The following BAZ2B variants were observed in gnomAD, a reference collection of about 807,000 sequenced individuals.
The protein encoded by BAZ2B is bromodomain adjacent to zinc finger domain 2B.
BAZ2B carries 91 observed loss-of-function variants against 246.0 expected under a neutral mutation model. The ratio of observed to expected loss-of-function variants is 0.37; its 90% CI spans 0.31 to 0.44. The LOEUF (loss-of-function observed/expected upper bound fraction) is 0.44. Among genes scored for constraint, BAZ2B ranks in the 20% least tolerant of loss-of-function variants. BAZ2B has a pLI of 1.00. For synonymous variants in BAZ2B, 855 were observed against 860.0 expected (o/e 0.99, Z 0.10); for missense variants, 2,332 against 2,533.7 (o/e 0.92, Z 1.71).
chr2:159,560,814 A>C (rs2089775491), intron 1 of BAZ2B, among the ~76,000 whole-genome samples: 1 of 152,148 alleles, frequency 6.6e-6, no homozygotes, highest in African/African-American at 2.4e-5. Flanking sequence ...GGCATGAGCC[A>C]CCGCACCCGG....
the BAZ2B span, among the ~76,000 whole-genome samples, chr2:159,622,285 GC>G: frequency 1.1e-3 from 49 of 44,440 alleles, no homozygotes; most frequent in Non-Finnish European, 2.9e-3. Context: ...AAAAAAAAAG[GC>G]AAAAACCAAA....
At chr2:159,416,175 T>C (rs1422963068) in intron 13 of BAZ2B, among the ~76,000 whole-genome samples, 1 of 152,232 alleles carries the variant, frequency 6.6e-6, no homozygotes, top group Non-Finnish European at 1.5e-5. Flanking sequence ...TATGTTCATA[T>C]ATACATATGC....
chr2:159,349,566 C>T lies in BAZ2B; in HGVS notation c.4863+142G>A, dbSNP rs369189162. ...CAGTAGTTCTAATGAACCTTGGTGA[C>T]AGAAATTCTGACTTGTTTTAGTTTT... On this transcript the variant is annotated intron_variant, in intron 28 of 36. Transcript: ENST00000392783. 10 of 1,037,590 alleles carry T rather than the reference C, an allele frequency of 9.6e-6. No homozygotes were observed. The African/African-American group carries it at 9.7e-5, about 10-fold the overall frequency. 64.3% of individuals were successfully genotyped at this position (1,037,590 alleles called of 1,614,324 possible). A position where few individuals can be genotyped will look rare whatever the true frequency, so the allele number is the denominator to read the frequency against.
rs532788059 is a variant in BAZ2B at position 159,422,889 on chromosome 2, A to G, written c.2466+5052T>C. Among the ~76,000 whole-genome samples the G allele has an allele frequency of 9.8e-5, 15 of 152,328 alleles. No homozygotes were observed. In the South Asian group the frequency reaches 3.1e-3, roughly 32 times the overall value. On this transcript the variant is annotated intron_variant, in intron 13 of 36. Transcript: ENST00000392783. Reference sequence around the variant, plus strand: ...AAAATAACCCCATTAAAAAATGGACATGAACAAACACTCCTGAAAAAAAGA... The same window carrying G: ...AAAATAACCCCATTAAAAAATGGACGTGAACAAACACTCCTGAAAAAAAGA...
upstream of BAZ2B, chr2:159,616,969 AAAG>A (rs1696167040): frequency 6.6e-6 from 1 of 152,204 alleles, no homozygotes; most frequent in East Asian, 1.9e-4. Flanking sequence ...AAACTCAAAA[AAAG>A]CAGTATGCAA....
chr2:159,445,051 C>T (rs2074031234), intron 6 of BAZ2B: 1 of 152,132 alleles, frequency 6.6e-6, no homozygotes, highest in Non-Finnish European at 1.5e-5. Flanking sequence ...TAAATGAAAC[C>T]TGGACTCAAT....
At chr2:159,318,096 C>T (rs2062301510), downstream of BAZ2B, among the ~76,000 whole-genome samples, 2 of 152,158 alleles carry the variant, frequency 1.3e-5, no homozygotes, top group African/African-American at 2.4e-5. Context: ...AGGCACCAGA[C>T]ATGTTATTAT....
downstream of BAZ2B, among the ~76,000 whole-genome samples, chr2:159,317,902 C>T (rs1350231321): frequency 2.6e-5 from 4 of 152,122 alleles, no homozygotes; most frequent in East Asian, 5.8e-4. Context: ...CAACCGCAGC[C>T]CTTGTGGGCT....
chr2:159,656,789 G>T, the BAZ2B span, among the ~76,000 whole-genome samples: 1 of 152,046 alleles, frequency 6.6e-6, no homozygotes, highest in Non-Finnish European at 1.5e-5. Flanking sequence ...TTTGCCATAC[G>T]TATCTTTTCT....
At chr2:159,638,214 G>A in the BAZ2B span, among the ~76,000 whole-genome samples, 13 of 152,248 alleles carry the variant, frequency 8.5e-5, no homozygotes, top group South Asian at 1.2e-3. Context: ...AAAAAACACA[G>A]CATTATTGGG....
intron 1 of BAZ2B, among the ~76,000 whole-genome samples, chr2:159,584,452 C>A (rs1687585402): frequency 6.6e-6 from 1 of 152,030 alleles, no homozygotes; most frequent in Non-Finnish European, 1.5e-5. Context: ...ACTTTGGTTG[C>A]TATGTTGATA....
intron 19 of BAZ2B, chr2:159,397,043 G>A (rs1438230006): frequency 7.4e-7 from 1 of 1,354,450 alleles, no homozygotes; most frequent in African/African-American, 1.5e-5. Flanking sequence ...ACAATGCGGT[G>A]TTAGATGTAC....
At chr2:159,331,440 T>C (rs1003257331) in intron 34 of BAZ2B, among the ~76,000 whole-genome samples, 2 of 152,208 alleles carry the variant, frequency 1.3e-5, no homozygotes, top group African/African-American at 4.8e-5. Context: ...TGATCTGGGT[T>C]CACTGCAACC....
At chr2:159,669,284 TTC>T in the BAZ2B span, among the ~76,000 whole-genome samples, 6 of 152,230 alleles carry the variant, frequency 3.9e-5, no homozygotes, top group African/African-American at 1.2e-4. Flanking sequence ...TGAATTTTAA[TTC>T]TGTTGTGGTA....
chr2:159,437,929 T>A (rs28412486), intron 8 of BAZ2B: 14 of 123,218 alleles, frequency 1.1e-4, no homozygotes, highest in South Asian at 2.3e-4. Flanking sequence ...AAAAAAAAAA[T>A]AAAAAAAAAT....
intron 25 of BAZ2B, among the ~76,000 whole-genome samples, chr2:159,375,733 A>T (rs1404499552): frequency 6.6e-6 from 1 of 152,252 alleles, no homozygotes; most frequent in Non-Finnish European, 1.5e-5. Flanking sequence ...GATATCACAT[A>T]GTTATAGAGC....
chr2:159,653,219 C>T, the BAZ2B span, among the ~76,000 whole-genome samples: 2 of 152,104 alleles, frequency 1.3e-5, no homozygotes, highest in Admixed American at 6.6e-5. Flanking sequence ...GGATTATAGG[C>T]GTGAGCCACC....
the BAZ2B span, among the ~76,000 whole-genome samples, chr2:159,680,398 A>C: frequency 6.6e-6 from 1 of 152,252 alleles, no homozygotes; most frequent in Non-Finnish European, 1.5e-5. Flanking sequence ...TGATAGAATA[A>C]GTATATACAT....
At chr2:159,496,639 G>A (rs946263252) in intron 2 of BAZ2B, among the ~76,000 whole-genome samples, 1 of 150,904 alleles carries the variant, frequency 6.6e-6, no homozygotes, top group African/African-American at 2.4e-5. Context: ...AAAATTAGCC[G>A]GGCATGGTGA....
Sources: gnomAD v4.1 joint callset for allele counts (sites outside exome capture counted in the v4.1 genomes callset) on GRCh38, gnomAD v4.1.1 for gene constraint, MANE v1.5 for transcripts, NCBI Gene and HGNC (gene_info 2026-07-23, HGNC 2026-07-21) for gene names.